Variants in SEC14L3 observed in about 807,000 individuals in gnomAD.
SEC14L3 encodes SEC14 like lipid binding 3, also known as SEC14-like protein 3.
SEC14L3 carries 56 observed loss-of-function variants against 57.4 expected under a neutral mutation model. The observed-to-expected ratio is 0.97, with a 90% CI of 0.79 to 1.22. SEC14L3 has a LOEUF of 1.22. SEC14L3 is among the 50% of genes most tolerant of loss of function. The pLI is 0.00. For synonymous variants in SEC14L3, 173 were observed against 194.4 expected, an observed-to-expected ratio of 0.89 and a Z score of 0.92; for missense variants, 485 against 511.7, an observed-to-expected ratio of 0.95 and a Z score of 0.50.
At chr22:30,471,221 G>C in intron 1 of SEC14L3, 1 of 438,348 alleles carries the variant, frequency 2.3e-6, no homozygotes, top group Non-Finnish European at 4.5e-6. Context: ...GGAGACAGAG[G>C]CTGCAGTGAG....
At position 30,471,211 on chromosome 22, in the gene SEC14L3, G is replaced by A. The variant is rs186894939; in HGVS notation, c.55-629C>T. 987 of 431,172 alleles carry A rather than the reference G, an allele frequency of 2.3e-3. 2 individuals carry two copies. The highest frequency in any genetic ancestry group is 3.4e-3 in the Non-Finnish European group (738 of 217,680). 26.7% of individuals were successfully genotyped at this position (431,172 alleles called of 1,614,324 possible). A position where few individuals can be genotyped will look rare whatever the true frequency, so the allele number is the denominator to read the frequency against. On this transcript the variant is annotated intron_variant, in intron 1 of 11. Transcript: ENST00000215812. ...GAGGCAGGAGAATTGCTTGAACCTG[G>A]GAGACAGAGGCTGCAGTGAGCTGAG...
At chr22:30,462,335 G>A (rs1935295432) in intron 8 of SEC14L3, 143 bp from the exon 9 acceptor site, 1 of 1,265,868 alleles carries the variant, frequency 7.9e-7, no homozygotes, top group Non-Finnish European at 1.1e-6. Context: ...TCCTAGGCCT[G>A]GGGCTACAGT....
intron 4 of SEC14L3, chr22:30,469,034 C>G: frequency 7.9e-7 from 1 of 1,264,960 alleles, no homozygotes; most frequent in Non-Finnish European, 1.0e-6. Flanking sequence ...AAAACAGACA[C>G]TGGCTGGGCA....
exon 13 of SEC14L3, chr22:30,448,985 T>C (rs1934930322): frequency 1.8e-6 from 2 of 1,108,216 alleles, no homozygotes; most frequent in Non-Finnish European, 2.6e-6. Flanking sequence ...AGAAGCAGCA[T>C]GGCAAGGCGG....
chr22:30,471,112 T>A, intron 1 of SEC14L3: 1 of 340,430 alleles, frequency 2.9e-6, no homozygotes, highest in East Asian at 9.0e-5. Context: ...TGGTGAAAAC[T>A]CATCTCTACT....
chr22:30,461,491 A>G lies in SEC14L3; in HGVS notation c.912-12T>C. 6.2e-7 allele frequency: 1 copy of G among 1,610,552 alleles called. No individual in the cohort carries two copies. The highest frequency in any genetic ancestry group is 1.4e-5 in the African/African-American group (1 of 72,982). ...ATGAGAACTGCCACCTGTCAGGGGG[A>G]GGGGGAGGAGACAGGTTGCTGCTCA... On this transcript the variant is annotated splice_polypyrimidine_tract_variant and intron_variant, in intron 10 of 11. Transcript: ENST00000215812.
At chr22:30,461,270 C>G (rs779770232) in intron 11 of SEC14L3, 40 bp downstream of exon 11, 9 of 1,544,120 alleles carry the variant, frequency 5.8e-6, no homozygotes, top group Non-Finnish European at 7.0e-6. Flanking sequence ...ACAGGTGGCT[C>G]TAGCCTTTCA....
intron 12 of SEC14L3, among the ~76,000 whole-genome samples, chr22:30,449,920 G>A (rs1252065974): frequency 6.6e-6 from 1 of 151,994 alleles, no homozygotes; most frequent in Non-Finnish European, 1.5e-5. Flanking sequence ...CCTGGATCAG[G>A]GAGAATCAGG....
Position 30,459,860 on chromosome 22 carries a change from T to A in SEC14L3, c.*161A>T. 7.3e-7 allele frequency: 1 copy of A among 1,373,222 alleles called. No individual in the cohort carries two copies. The highest frequency in any genetic ancestry group is 9.4e-7 in the Non-Finnish European group (1 of 1,059,318). The allele number at this position is 1,373,222 out of a possible 1,614,324, so 85.1% of individuals were successfully genotyped here. ...GTTGTGCCTCTCATACCTTTCTTGA[T>A]CTGACCACAGTAGATGAGTTTTCCC... is the stretch of plus-strand genomic sequence containing the variant. On this transcript the variant is annotated 3_prime_UTR_variant, in exon 12 of 12. Coordinates refer to ENST00000215812, the MANE Select transcript of SEC14L3 (RefSeq NM_174975.5).
chr22:30,461,796 A>C (rs1343558728), intron 9 of SEC14L3, 102 bp from the exon 10 acceptor site: 1 of 1,471,674 alleles, frequency 6.8e-7, no homozygotes, highest in Admixed American at 2.0e-5. Flanking sequence ...TATCCTCTTC[A>C]TCCTAGCCCC....
intron 12 of SEC14L3, among the ~76,000 whole-genome samples, chr22:30,452,131 C>G (rs776783000): frequency 5.9e-5 from 9 of 151,874 alleles, no homozygotes; most frequent in Middle Eastern, 3.4e-3. Context: ...GACGTTGTAG[C>G]CTGAATTTCC....
Position 30,472,005 on chromosome 22 carries a change from C to T in SEC14L3, c.-47G>A, listed in dbSNP as rs780510594. The stretch of plus-strand genomic sequence containing the variant: ...AGTGGTGGCCACTATAGGCAAGAGG[C>T]CAAGCCTAGTTTGTCAGCCCTGACC... On this transcript the variant is annotated 5_prime_UTR_variant, in exon 1 of 12. Transcript: ENST00000215812. The T allele has an allele frequency of 2.6e-6, 4 of 1,537,204 alleles. No homozygotes were observed. The highest frequency in any genetic ancestry group is 3.5e-6 in the Non-Finnish European group (4 of 1,142,696).
chr22:30,454,823 A>C (rs1601809885), downstream of SEC14L3, among the ~76,000 whole-genome samples: 1 of 36,104 alleles, frequency 2.8e-5, no homozygotes, highest in Non-Finnish European at 3.8e-5. Context: ...TATATATTAT[A>C]ATATAATATA....
At chr22:30,449,056 C>A in exon 13 of SEC14L3, 1 of 1,548,216 alleles carries the variant, frequency 6.5e-7, no homozygotes, top group Non-Finnish European at 8.7e-7. Flanking sequence ...AGTCCTCTTA[C>A]ACACAGGCCA....
downstream of SEC14L3, among the ~76,000 whole-genome samples, chr22:30,454,856 T>A (rs1400707440): frequency 3.9e-5 from 2 of 50,880 alleles, no homozygotes; most frequent in Admixed American, 3.6e-4. Context: ...ATATATTATA[T>A]TATTATATAA....
chr22:30,464,771 C>A (rs371477208), intron 8 of SEC14L3, 49 bp downstream of exon 8: 18 of 1,577,968 alleles, frequency 1.1e-5, no homozygotes, highest in Non-Finnish European at 1.6e-5. Flanking sequence ...GACAACCTCA[C>A]TCCAAAGGTC....
In SEC14L3 at chr22:30,467,033, C is replaced by T; in HGVS notation, c.468G>A (p.Glu156=). Residue 156 remains glutamate (E), a synonymous_variant, in exon 6 of 12, where the codon GAG becomes GAA. Coordinates refer to ENST00000215812, the MANE Select transcript of SEC14L3 (RefSeq NM_174975.5). Reference sequence around the variant, plus strand: ...TCCAGAAGTGTTTCAGTCCCAGGCCCTCACAGTCAAATATCATCACGATGG... The same window carrying T: ...TCCAGAAGTGTTTCAGTCCCAGGCCTTCACAGTCAAATATCATCACGATGG... ...IETIVMIFDC[E]GLGLKHFWKP... 1.2e-6 allele frequency: 2 copies of T among 1,614,120 alleles called. No individual in the cohort carries two copies. The highest frequency in any genetic ancestry group is 1.7e-6 in the Non-Finnish European group (2 of 1,180,014).
chr22:30,468,368 G>C, intron 5 of SEC14L3, 140 bp downstream of exon 5: 1 of 606,562 alleles, frequency 1.6e-6, no homozygotes, highest in South Asian at 2.2e-5. Context: ...AGGCCACACA[G>C]CTGGTAAGCA....
chr22:30,459,484 A>AC lies in SEC14L3; in HGVS notation c.*536dup. 2.0e-5 allele frequency: 20 copies of AC among 985,458 alleles called. No homozygotes were observed. The highest frequency in any genetic ancestry group is 2.4e-5 in the Non-Finnish European group (20 of 830,014). 61.0% of individuals were successfully genotyped at this position (985,458 alleles called of 1,614,324 possible). On this transcript the variant is annotated 3_prime_UTR_variant, in exon 12 of 12. Coordinates refer to ENST00000215812, the MANE Select transcript of SEC14L3 (RefSeq NM_174975.5). ...GGTCTCCAGAAGAGAGTCCAACCCCACCACACATCTGCTCCTGTCCAAGGT... is the reference window on the plus strand; with the variant it reads ...GGTCTCCAGAAGAGAGTCCAACCCCACCCACACATCTGCTCCTGTCCAAGGT...
Sources: allele counts gnomAD v4.1 joint callset (sites outside exome capture counted in the v4.1 genomes callset), GRCh38; gene constraint gnomAD v4.1.1; transcripts MANE v1.5; gene names NCBI Gene and HGNC (gene_info 2026-07-23, HGNC 2026-07-21).